Variants in PMFBP1 observed in about 807,000 individuals in gnomAD.
PMFBP1 encodes the protein polyamine-modulated factor 1-binding protein 1.
A neutral mutation model predicts 137.8 loss-of-function variants in PMFBP1; 131 were observed. The observed-to-expected ratio is 0.95, with a 90% CI of 0.82 to 1.10. The LOEUF is 1.10. PMFBP1 is among the 50% of genes least tolerant of loss of function. The probability of loss-of-function intolerance (pLI) is 0.00; values close to 1 mark genes in which losing one functional copy is unlikely to be tolerated. For missense variants in PMFBP1, 1,199 were observed against 1,175.4 expected (o/e 1.02, Z -0.29); for synonymous variants, 490 against 450.4 (o/e 1.09, Z -1.11).
the PMFBP1 span, among the ~76,000 whole-genome samples, chr16:72,186,714 C>T: frequency 6.6e-6 from 1 of 152,266 alleles, no homozygotes; most frequent in Non-Finnish European, 1.5e-5. Flanking sequence ...GCCAGTTGAG[C>T]AGAGTGATAG....
At chr16:72,131,058 C>T (rs1322999638) in intron 10 of PMFBP1, among the ~76,000 whole-genome samples, 2 of 152,172 alleles carry the variant, frequency 1.3e-5, no homozygotes, top group Admixed American at 6.5e-5. Context: ...TCCTAGAGAA[C>T]ACTGTCATGT....
chr16:72,176,567 G>C (rs993901491), upstream of PMFBP1, among the ~76,000 whole-genome samples: 1 of 152,174 alleles, frequency 6.6e-6, no homozygotes, highest in Non-Finnish European at 1.5e-5. Flanking sequence ...ACAGCTCTTT[G>C]TTCTTCCCAC....
the PMFBP1 span, among the ~76,000 whole-genome samples, chr16:72,183,141 T>C: frequency 2.6e-5 from 4 of 152,232 alleles, no homozygotes. Context: ...AGCTTCCTTA[T>C]ACCATGGTCA....
At chr16:72,155,447 G>T (rs779300319) in intron 3 of PMFBP1, among the ~76,000 whole-genome samples, 1 of 152,100 alleles carries the variant, frequency 6.6e-6, no homozygotes, top group Non-Finnish European at 1.5e-5. Context: ...TCTGTATTCT[G>T]TCTGTAATTA....
chr16:72,127,838 G>C (rs1343896191), intron 14 of PMFBP1, among the ~76,000 whole-genome samples: 1 of 152,134 alleles, frequency 6.6e-6, no homozygotes, highest in Non-Finnish European at 1.5e-5. Context: ...AGTTCTACTG[G>C]GCAGTGCTAT....
At chr16:72,165,989 G>A (rs866495315) in intron 2 of PMFBP1, among the ~76,000 whole-genome samples, 1 of 152,322 alleles carries the variant, frequency 6.6e-6, no homozygotes, top group Middle Eastern at 3.4e-3. Flanking sequence ...GCAATGGTGT[G>A]AAAAGGAAGG....
the PMFBP1 span, among the ~76,000 whole-genome samples, chr16:72,227,874 A>G: frequency 2.6e-5 from 4 of 152,236 alleles, no homozygotes; most frequent in Non-Finnish European, 5.9e-5. Context: ...TGAGCACTTC[A>G]TAAATGGTAG....
chr16:72,216,467 C>G, the PMFBP1 span, among the ~76,000 whole-genome samples: 1 of 152,068 alleles, frequency 6.6e-6, no homozygotes, highest in Non-Finnish European at 1.5e-5. Flanking sequence ...AAGAAAAGAA[C>G]CAGAACATGC....
chr16:72,164,543 T>G, intron 3 of PMFBP1: 2 of 1,339,056 alleles, frequency 1.5e-6, no homozygotes, highest in Non-Finnish European at 1.0e-6. Context: ...AGGATGTACA[T>G]GACCTTGGAG....
intron 5 of PMFBP1, among the ~76,000 whole-genome samples, chr16:72,149,932 T>C (rs1364269844): frequency 1.3e-5 from 2 of 152,116 alleles, no homozygotes; most frequent in Non-Finnish European, 2.9e-5. Flanking sequence ...ATTCAAGTAA[T>C]TACCTAAGAA....
At chr16:72,177,300 G>A (rs2043262354), upstream of PMFBP1, among the ~76,000 whole-genome samples, 1 of 152,170 alleles carries the variant, frequency 6.6e-6, no homozygotes, top group Non-Finnish European at 1.5e-5. Context: ...ACTCTTGTAT[G>A]GCAGCTACTA....
chr16:72,120,031 T>C lies in PMFBP1; in HGVS notation c.2827A>G (p.Ile943Val), dbSNP rs758562825. The C allele has an allele frequency of 6.2e-7, 1 of 1,614,192 alleles. No individual in the cohort carries two copies. Among genetic ancestry groups the C allele is most frequent in the Admixed American group, 1.7e-5 (1 of 60,030 alleles). Residue 943 changes from isoleucine (I) to valine (V), a missense_variant, in exon 20 of 21, where the codon ATA (isoleucine) becomes GTA (valine). Ile to Val is a conservative substitution (Grantham distance 29). Coordinates refer to ENST00000237353, the MANE Select transcript of PMFBP1 (RefSeq NM_031293.3). Reference protein sequence around the residue: ...QQENKKLKKEIEEKKMKAENT... With the variant: ...QQENKKLKKEVEEKKMKAENT... ...TCGGCTTTCATCTTCTTCTCTTCTA[T>C]CTCCTTCTTCAGCTTCTTGTTTTCC...
chr16:72,163,734 C>T (rs766787978), intron 3 of PMFBP1, among the ~76,000 whole-genome samples: 1 of 152,132 alleles, frequency 6.6e-6, no homozygotes, highest in Non-Finnish European at 1.5e-5. Flanking sequence ...TGGAATACTA[C>T]TCAGCCATAA....
chr16:72,231,357 C>T, the PMFBP1 span, among the ~76,000 whole-genome samples: 8 of 152,266 alleles, frequency 5.3e-5, no homozygotes, highest in South Asian at 8.3e-4. Flanking sequence ...ATGACCACAA[C>T]GAACCCCAAA....
the PMFBP1 span, among the ~76,000 whole-genome samples, chr16:72,228,064 G>A: frequency 3.3e-5 from 5 of 152,066 alleles, no homozygotes; most frequent in African/African-American, 9.7e-5. Context: ...CCCCATCAAA[G>A]GTTTTCAAAC....
chr16:72,171,285 A>G lies in PMFBP1; in HGVS notation c.-60-17T>C, dbSNP rs1192136152. 5 of 1,495,378 alleles carry G rather than the reference A, an allele frequency of 3.3e-6. No homozygotes were observed. The highest frequency in any genetic ancestry group is 4.6e-6 in the Non-Finnish European group (5 of 1,077,200). 92.6% of individuals were successfully genotyped at this position (1,495,378 alleles called of 1,614,324 possible). ...GTTATAAACCTGAAAAAGTCCAAGT[A>G]TTTAAGATGGAAAAAGTATAAATGA... On this transcript the variant is annotated splice_polypyrimidine_tract_variant and intron_variant, in intron 1 of 20. Transcript: ENST00000237353.
At chr16:72,209,253 C>T in the PMFBP1 span, among the ~76,000 whole-genome samples, 1 of 152,208 alleles carries the variant, frequency 6.6e-6, no homozygotes, top group Non-Finnish European at 1.5e-5. Flanking sequence ...GGTAGGTTGG[C>T]TTTGCATGAT....
the PMFBP1 span, among the ~76,000 whole-genome samples, chr16:72,197,991 T>C: frequency 6.6e-6 from 1 of 152,308 alleles, no homozygotes; most frequent in East Asian, 1.9e-4. Flanking sequence ...CATTCCCTTC[T>C]TGTTGGCAGA....
the PMFBP1 span, among the ~76,000 whole-genome samples, chr16:72,185,721 T>C: frequency 6.6e-6 from 1 of 152,220 alleles, no homozygotes; most frequent in East Asian, 1.9e-4. Flanking sequence ...CTGAAGTGAG[T>C]AGAGAAATAA....
Sources: gnomAD v4.1 joint callset for allele counts (sites outside exome capture counted in the v4.1 genomes callset) on GRCh38, gnomAD v4.1.1 for gene constraint, MANE v1.5 for transcripts, NCBI Gene and HGNC (gene_info 2026-07-23, HGNC 2026-07-21) for gene names.